The following BRAF variants were observed in gnomAD, a reference collection of about 807,000 sequenced individuals.
BRAF encodes the protein B-Raf proto-oncogene, serine/threonine kinase.
A neutral mutation model predicts 104.6 loss-of-function variants in BRAF; 16 were observed. The ratio of observed to expected loss-of-function variants is 0.15; its 90% CI spans 0.10 to 0.23. The LOEUF (loss-of-function observed/expected upper bound fraction) is 0.23, where lower values mean the gene tolerates loss of function less well. BRAF is among the 10% of genes least tolerant of loss of function. The pLI is 1.00. For missense variants in BRAF, 541 were observed against 937.3 expected, an observed-to-expected ratio of 0.58 and a Z score of 5.52; for synonymous variants, 310 against 341.6, an observed-to-expected ratio of 0.91 and a Z score of 1.02.
intron 14 of BRAF, among the ~76,000 whole-genome samples, chr7:140,758,714 CG>C (rs966497212): frequency 2.0e-5 from 3 of 152,208 alleles, no homozygotes; most frequent in African/African-American, 7.2e-5. Flanking sequence ...CTCGGCCTCC[CG>C]AAGTGCTAGA....
intron 1 of BRAF, among the ~76,000 whole-genome samples, chr7:140,916,830 T>A (rs1817682737): frequency 6.6e-6 from 1 of 152,160 alleles, no homozygotes. Context: ...AAAAGTATGG[T>A]AACAAGAAAT....
chr7:140,854,515 A>G (rs1173065816), intron 1 of BRAF, among the ~76,000 whole-genome samples: 1 of 152,178 alleles, frequency 6.6e-6, no homozygotes, highest in Non-Finnish European at 1.5e-5. Flanking sequence ...ATGTTCCATA[A>G]AAACTCATAT....
rs367850636 is a variant in BRAF at position 140,899,021 on chromosome 7, A to G, written c.138+25545T>C. Among the ~76,000 whole-genome samples, 6 of 152,292 alleles carry G rather than the reference A, an allele frequency of 3.9e-5. No homozygotes were observed. The East Asian group carries it at 9.6e-4, about 24-fold the overall frequency. On this transcript the variant is annotated intron_variant, in intron 1 of 19. Transcript: ENST00000644969. ...TTGTTCCATAAGTAAACACACAATG[A>G]TATCTACTGCACTACTGAGGATACT...
intron 14 of BRAF, among the ~76,000 whole-genome samples, chr7:140,773,589 C>G (rs1800048666): frequency 6.6e-6 from 1 of 152,138 alleles, no homozygotes; most frequent in South Asian, 2.1e-4. Context: ...ATTTATTTTC[C>G]CCTCTCTAGA....
chr7:140,883,672 A>G (rs1813197899), intron 1 of BRAF, among the ~76,000 whole-genome samples: 1 of 152,248 alleles, frequency 6.6e-6, no homozygotes, highest in South Asian at 2.1e-4. Context: ...AATGGTGAAT[A>G]TATCCTTGAA....
intron 1 of BRAF, among the ~76,000 whole-genome samples, chr7:140,922,774 G>A (rs1436466904): frequency 1.3e-5 from 2 of 152,154 alleles, no homozygotes; most frequent in African/African-American, 4.8e-5. Flanking sequence ...CATGTCAAAG[G>A]AAACAAAGAT....
At chr7:140,880,679 C>T (rs765975565) in intron 1 of BRAF, among the ~76,000 whole-genome samples, 18 of 152,218 alleles carry the variant, frequency 1.2e-4, no homozygotes, top group Non-Finnish European at 2.5e-4. Flanking sequence ...AAAATTACTC[C>T]TTGATCCATG....
At chr7:140,831,553 G>T (rs879652277) in intron 3 of BRAF, among the ~76,000 whole-genome samples, 1 of 152,096 alleles carries the variant, frequency 6.6e-6, no homozygotes, top group Non-Finnish European at 1.5e-5. Context: ...CATATATACA[G>T]AAGAGGAACT....
intron 3 of BRAF, among the ~76,000 whole-genome samples, chr7:140,812,193 T>A (rs907800399): frequency 5.3e-5 from 8 of 149,866 alleles, no homozygotes; most frequent in Non-Finnish European, 8.9e-5. Flanking sequence ...TGTGTGTGTG[T>A]GAGGGTGGGA....
chr7:140,798,262 C>CTTTTTTTTTTTTT lies in BRAF; in HGVS notation c.980+2099_980+2100insAAAAAAAAAAAAA, dbSNP rs1025673669. Among the ~76,000 whole-genome samples the CTTTTTTTTTTTTT allele has an allele frequency of 2.8e-4, 9 of 32,582 alleles. 1 individual carries two copies. The highest frequency in any genetic ancestry group is 1.7e-3 in the East Asian group (2 of 1,178). The allele number at this position is 32,582 out of a possible 152,430, so 21.4% of individuals were successfully genotyped here. A position where few individuals can be genotyped will look rare whatever the true frequency, so the allele number is the denominator to read the frequency against. ...TCTAGGACAGAATGCTGTATGGGGA[C>CTTTTTTTTTTTTT]TTTTTTTTTCTTTTTTTTGAGACGG... is the stretch of plus-strand genomic sequence containing the variant. On this transcript the variant is annotated intron_variant, in intron 7 of 19. Transcript: ENST00000644969.
chr7:140,803,742 A>C (rs1562967623), intron 5 of BRAF, among the ~76,000 whole-genome samples: 2 of 152,214 alleles, frequency 1.3e-5, no homozygotes, highest in Non-Finnish European at 1.5e-5. Flanking sequence ...ACTAGGAAGA[A>C]TCTATCCCAC....
intron 7 of BRAF, chr7:140,799,118 C>T (rs1305175489): frequency 1.0e-5 from 2 of 192,576 alleles, no homozygotes; most frequent in Non-Finnish European, 2.2e-5. Context: ...TCCCAAAGTG[C>T]TGGGATTACA....
intron 10 of BRAF, among the ~76,000 whole-genome samples, chr7:140,783,671 A>G (rs1302413897): frequency 6.6e-6 from 1 of 152,216 alleles, no homozygotes; most frequent in East Asian, 1.9e-4. Flanking sequence ...ATTAATCACT[A>G]AACTCAAATA....
chr7:140,771,786 A>G (rs1799866659), intron 14 of BRAF, among the ~76,000 whole-genome samples: 1 of 152,178 alleles, frequency 6.6e-6, no homozygotes, highest in Non-Finnish European at 1.5e-5. Context: ...GGAAGAGGAT[A>G]TAGACATGAA....
rs1177553423 is a variant in BRAF at position 140,897,493 on chromosome 7, CTT to C, written c.138+27071_138+27072del. 8.5e-3 allele frequency among the ~76,000 whole-genome samples: 903 copies of C among 105,676 alleles called. 4 individuals are homozygous for C. Among genetic ancestry groups the C allele is most frequent in the East Asian group, 0.061 (242 of 3,952 alleles). The allele number at this position is 105,676 out of a possible 152,430, so 69.3% of individuals were successfully genotyped here. A position where few individuals can be genotyped will look rare whatever the true frequency, so the allele number is the denominator to read the frequency against. On this transcript the variant is annotated intron_variant, in intron 1 of 19. Coordinates refer to ENST00000644969, the MANE Select transcript of BRAF (RefSeq NM_001374258.1). ...TCTGGATAGGAAAGATTTCTTTTTTCTTTTTTTTTTTTTTTTTTTTTGAGACA... is the reference window on the plus strand; with the variant it reads ...TCTGGATAGGAAAGATTTCTTTTTTCTTTTTTTTTTTTTTTTTTTGAGACA...
intron 19 of BRAF, among the ~76,000 whole-genome samples, chr7:140,729,319 G>A (rs1306724174): frequency 6.6e-6 from 1 of 152,076 alleles, no homozygotes; most frequent in African/African-American, 2.4e-5. Context: ...TTGTTGAAGT[G>A]TCATACTCCA....
chr7:140,720,127 A>T lies in BRAF; in HGVS notation c.*6367T>A, dbSNP rs551616131. On this transcript the variant is annotated 3_prime_UTR_variant, in exon 20 of 20. Transcript: ENST00000644969. ...GAGACACATGTTGATGAATGATCAAATTCAATCCCCTGATCAGTTGTATGA... is the reference window on the plus strand; with the variant it reads ...GAGACACATGTTGATGAATGATCAATTTCAATCCCCTGATCAGTTGTATGA... The T allele has an allele frequency of 9.4e-7, 1 of 1,061,130 alleles. No individual in the cohort carries two copies. The highest frequency in any genetic ancestry group is 1.6e-5 in the African/African-American group (1 of 60,988). The allele number at this position is 1,061,130 out of a possible 1,614,324, so 65.7% of individuals were successfully genotyped here. A position where few individuals can be genotyped will look rare whatever the true frequency, so the allele number is the denominator to read the frequency against.
chr7:140,809,367 G>T (rs576151913), intron 3 of BRAF, among the ~76,000 whole-genome samples: 1 of 152,164 alleles, frequency 6.6e-6, no homozygotes, highest in African/African-American at 2.4e-5. Flanking sequence ...GTTCAAAGCT[G>T]AAAACTGTAT....
chr7:140,714,594 C>G (rs1795097987), downstream of BRAF, among the ~76,000 whole-genome samples: 2 of 152,152 alleles, frequency 1.3e-5, no homozygotes, highest in Non-Finnish European at 2.9e-5. Context: ...GTCGAGGCCT[C>G]AAGTGATCTT....
Sources: allele counts gnomAD v4.1 joint callset (sites outside exome capture counted in the v4.1 genomes callset), GRCh38; gene constraint gnomAD v4.1.1; transcripts MANE v1.5; gene names NCBI Gene and HGNC (gene_info 2026-07-23, HGNC 2026-07-21).